Variants in CTPS1 observed in about 807,000 individuals in gnomAD.
CTPS1 encodes the protein CTP synthase 1, also known as CTP synthetase 1.
In CTPS1, 25 loss-of-function variants were observed where a neutral mutation model predicts 80.5. That is an observed-to-expected ratio of 0.31 (90% CI 0.23 to 0.43). CTPS1 has a LOEUF of 0.43. Ranked by LOEUF, CTPS1 falls within the 20% of genes least tolerant of loss-of-function variation. The pLI is 1.00. For missense variants in CTPS1, 442 were observed against 725.7 expected, an observed-to-expected ratio of 0.61 and a Z score of 4.49; for synonymous variants, 267 against 252.5, an observed-to-expected ratio of 1.06 and a Z score of -0.54.
At chr1:40,990,623 T>A (rs973268581) in intron 5 of CTPS1, among the ~76,000 whole-genome samples, 6 of 150,612 alleles carry the variant, frequency 4.0e-5, no homozygotes, top group Non-Finnish European at 5.9e-5. Flanking sequence ...TGTCTCGATT[T>A]AAAAAAAAAG....
At chr1:40,983,233 T>C in intron 1 of CTPS1, 45 bp from the exon 2 acceptor site, 1 of 1,541,092 alleles carries the variant, frequency 6.5e-7, no homozygotes, top group Non-Finnish European at 8.8e-7. Context: ...TGAGTTTGGT[T>C]TGTTGAGATA....
At chr1:40,997,565 G>A in intron 9 of CTPS1, 39 bp downstream of exon 9, 1 of 1,605,984 alleles carries the variant, frequency 6.2e-7, no homozygotes, top group Non-Finnish European at 8.5e-7. Context: ...AGGATGAGCA[G>A]GGAAGCAGTC....
intron 13 of CTPS1, among the ~76,000 whole-genome samples, chr1:41,006,356 C>T (rs1028828570): frequency 2.0e-5 from 3 of 152,152 alleles, no homozygotes; most frequent in Non-Finnish European, 2.9e-5. Flanking sequence ...GATTAAAATT[C>T]TTCTCCATCC....
At chr1:40,996,134 G>A (rs1170350446) in intron 8 of CTPS1, 66 bp downstream of exon 8, 8 of 1,565,282 alleles carry the variant, frequency 5.1e-6, no homozygotes, top group Non-Finnish European at 6.1e-6. Flanking sequence ...TGGTGAAGCC[G>A]ACTCTAGCCC....
At chr1:41,010,817 A>G (rs189992812) in intron 18 of CTPS1, among the ~76,000 whole-genome samples, 33 of 152,306 alleles carry the variant, frequency 2.2e-4, no homozygotes, top group Non-Finnish European at 2.4e-4. Context: ...ATGTTTGTCT[A>G]TTAAGTGACA....
intron 18 of CTPS1, among the ~76,000 whole-genome samples, chr1:41,010,841 C>G (rs1643154058): frequency 6.6e-6 from 1 of 152,220 alleles, no homozygotes; most frequent in Non-Finnish European, 1.5e-5. Flanking sequence ...TTTGTAGGTT[C>G]ATAAAGTGCA....
chr1:40,995,976 A>G lies in CTPS1; in HGVS notation c.780A>G (p.Gln260=), dbSNP rs201842917. Residue 260 remains glutamine (Q), a synonymous_variant, in exon 8 of 19, where the codon CAA becomes CAG. Transcript: ENST00000650070. ...IYRVPLLLEE[Q]GVVDYFLRRL... is the part of the protein sequence containing the mutation. ...GAGTCCCCTTGTTGTTAGAGGAGCA[A>G]GGGGTTGTAGATTATTTTCTTCGAA... 3.1e-6 allele frequency: 5 copies of G among 1,613,958 alleles called. No individual in the cohort carries two copies. The highest frequency in any genetic ancestry group is 4.2e-6 in the Non-Finnish European group (5 of 1,180,006).
intron 1 of CTPS1, chr1:40,981,778 C>G (rs542747507): frequency 6.8e-4 from 156 of 229,478 alleles, no homozygotes; most frequent in African/African-American, 3.0e-3. Context: ...TTTGGAAATG[C>G]TGCAGCAGAG....
chr1:40,998,409 A>G (rs551638569), intron 9 of CTPS1, among the ~76,000 whole-genome samples: 2 of 151,176 alleles, frequency 1.3e-5, no homozygotes, highest in East Asian at 3.9e-4. Flanking sequence ...AAAAAAAAAA[A>G]AAAAAAAAAA....
intron 8 of CTPS1, 88 bp from the exon 9 acceptor site, chr1:40,997,306 G>GT (rs934131158): frequency 2.0e-4 from 292 of 1,491,764 alleles, no homozygotes; most frequent in Middle Eastern, 3.6e-4. Context: ...GCCAGACGTG[G>GT]TTTTTTTTCC....
intron 7 of CTPS1, among the ~76,000 whole-genome samples, chr1:40,992,412 G>A (rs1361870069): frequency 1.3e-5 from 2 of 152,142 alleles, no homozygotes; most frequent in African/African-American, 4.8e-5. Context: ...TGGAGGGCAA[G>A]GGCCACCTCA....
At chr1:41,003,942 C>G (rs959335970) in intron 12 of CTPS1, 1 of 152,336 alleles carries the variant, frequency 6.6e-6, no homozygotes. Context: ...CACCTAGTGG[C>G]TCATCATTCA....
At chr1:40,985,499 G>A (rs1452136539) in intron 3 of CTPS1, among the ~76,000 whole-genome samples, 2 of 152,164 alleles carry the variant, frequency 1.3e-5, no homozygotes, top group South Asian at 2.1e-4. Context: ...GCACAGCTTC[G>A]CTTACATCTA....
chr1:40,981,669 C>T (rs569085848), intron 1 of CTPS1, among the ~76,000 whole-genome samples: 2 of 152,278 alleles, frequency 1.3e-5, no homozygotes, highest in African/African-American at 4.8e-5. Flanking sequence ...AGGATTCTTG[C>T]GTTAAATGAC....
chr1:41,001,766 G>T (rs1036797146), intron 10 of CTPS1, among the ~76,000 whole-genome samples: 1 of 152,018 alleles, frequency 6.6e-6, no homozygotes, highest in African/African-American at 2.4e-5. Context: ...AACAAAACCA[G>T]CTGGGTGTGG....
At chr1:40,988,539 A>G in intron 4 of CTPS1, 55 bp from the exon 5 acceptor site, 1 of 1,193,634 alleles carries the variant, frequency 8.4e-7, no homozygotes, top group Non-Finnish European at 1.2e-6. Context: ...TTAGAAAACT[A>G]AACTGCCAGA....
At chr1:40,998,594 A>G (rs1642822526) in intron 9 of CTPS1, among the ~76,000 whole-genome samples, 1 of 152,034 alleles carries the variant, frequency 6.6e-6, no homozygotes, top group Non-Finnish European at 1.5e-5. Context: ...CATGAATACA[A>G]AGTGCTGAGA....
intron 7 of CTPS1, among the ~76,000 whole-genome samples, chr1:40,994,607 A>G (rs1468248113): frequency 6.6e-6 from 1 of 152,140 alleles, no homozygotes; most frequent in Non-Finnish European, 1.5e-5. Flanking sequence ...TTTGGTTTTT[A>G]TGGATAAGCA....
chr1:41,002,282 C>T lies in CTPS1; in HGVS notation c.1189+28C>T, dbSNP rs913143564. 7 of 1,587,836 alleles carry T rather than the reference C, an allele frequency of 4.4e-6. No homozygotes were observed. In the African/African-American group the frequency reaches 6.7e-5, roughly 15 times the overall value. ...AAGGAGCTCTGCAGTGCAGTCTTCA[C>T]TTAAGAGTAGGAAAGAGTGGGGAAC... On this transcript the variant is annotated intron_variant, in intron 11 of 18. Coordinates refer to ENST00000650070, the MANE Select transcript of CTPS1 (RefSeq NM_001905.4).
Sources: gnomAD v4.1 joint callset for allele counts (sites outside exome capture counted in the v4.1 genomes callset) on GRCh38, gnomAD v4.1.1 for gene constraint, MANE v1.5 for transcripts, NCBI Gene and HGNC (gene_info 2026-07-23, HGNC 2026-07-21) for gene names.